ZSCAN25: variants seen among roughly 807,000 people sequenced by gnomAD.
The protein encoded by ZSCAN25 is zinc finger and SCAN domain containing 25, also known as zinc finger and SCAN domain-containing protein 25.
A neutral mutation model predicts 38.7 loss-of-function variants in ZSCAN25; 27 were observed. The ratio of observed to expected loss-of-function variants is 0.70; its 90% CI spans 0.51 to 0.96. The LOEUF (loss-of-function observed/expected upper bound fraction) is 0.96, where lower values mean the gene tolerates loss of function less well. Ranked by LOEUF, ZSCAN25 falls within the 40% of genes least tolerant of loss-of-function variation. The pLI is 0.00. For missense variants in ZSCAN25, 637 were observed against 705.9 expected (o/e 0.90, Z 1.11); for synonymous variants, 273 against 277.7 (o/e 0.98, Z 0.17).
the ZSCAN25 span, chr7:99,709,393 A>T: frequency 1.1e-5 from 15 of 1,375,478 alleles, no homozygotes; most frequent in Non-Finnish European, 1.3e-5. Flanking sequence ...TAGCATTCAT[A>T]AAGTATTTTA....
chr7:99,658,995 C>G, the ZSCAN25 span: 1 of 152,110 alleles, frequency 6.6e-6, no homozygotes, highest in East Asian at 1.9e-4. Flanking sequence ...AATCTTTTTT[C>G]AAGGTTTTTA....
At chr7:99,676,026 C>T in the ZSCAN25 span, 1 of 1,104,384 alleles carries the variant, frequency 9.1e-7, no homozygotes, top group East Asian at 2.4e-5. Flanking sequence ...AACCTCAGAA[C>T]TCCCTCCCAA....
the ZSCAN25 span, among the ~76,000 whole-genome samples, chr7:99,731,787 G>C: frequency 6.6e-6 from 1 of 152,034 alleles, no homozygotes; most frequent in Non-Finnish European, 1.5e-5. Context: ...TGACAACTGT[G>C]CTCCAGGCTT....
At chr7:99,729,041 T>C in the ZSCAN25 span, among the ~76,000 whole-genome samples, 3 of 152,066 alleles carry the variant, frequency 2.0e-5, no homozygotes, top group African/African-American at 7.2e-5. Context: ...TATATGACAA[T>C]ATAAAAAAGC....
At chr7:99,690,176 C>A in the ZSCAN25 span, among the ~76,000 whole-genome samples, 3 of 152,048 alleles carry the variant, frequency 2.0e-5, no homozygotes, top group Non-Finnish European at 4.4e-5. Context: ...CTTTGACAAA[C>A]CTGACAAAAG....
At chr7:99,717,083 C>T in the ZSCAN25 span, 1 of 1,542,066 alleles carries the variant, frequency 6.5e-7, no homozygotes, top group East Asian at 2.3e-5. Flanking sequence ...TGTCTGGTCA[C>T]TGGAATAACC....
chr7:99,717,457 T>G, the ZSCAN25 span: 1 of 1,600,244 alleles, frequency 6.2e-7, no homozygotes, highest in Non-Finnish European at 8.5e-7. Context: ...AACTCTGATC[T>G]TACTTTCTAC....
At chr7:99,640,539 A>G in the ZSCAN25 span, among the ~76,000 whole-genome samples, 3 of 152,180 alleles carry the variant, frequency 2.0e-5, no homozygotes, top group East Asian at 3.8e-4. Flanking sequence ...TTCTCCCATC[A>G]TAGGCAATGA....
At chr7:99,722,354 A>G in the ZSCAN25 span, 1 of 1,613,430 alleles carries the variant, frequency 6.2e-7, no homozygotes, top group Non-Finnish European at 8.5e-7. Context: ...TAGCCCTGGG[A>G]GGAGAAACAA....
the ZSCAN25 span, chr7:99,708,011 A>T: frequency 3.7e-6 from 6 of 1,613,324 alleles, no homozygotes; most frequent in Non-Finnish European, 5.1e-6. Context: ...AAAGTTAAAG[A>T]CATAATACCT....
At chr7:99,722,186 C>G in the ZSCAN25 span, 3 of 1,367,688 alleles carry the variant, frequency 2.2e-6, no homozygotes, top group Non-Finnish European at 3.1e-6. Context: ...TGTAGTTAGG[C>G]TGGCAAGAGC....
Position 99,631,702 on chromosome 7 carries a change from T to C in ZSCAN25, c.*1682T>C. On this transcript the variant is annotated 3_prime_UTR_variant, in exon 8 of 8. Coordinates refer to ENST00000394152, the MANE Select transcript of ZSCAN25 (RefSeq NM_145115.3). ...GTATTACTCAGCCCACTTTGAAACG[T>C]GGTTTTATCACCTGTTCTTGTTAGG... The C allele has an allele frequency of 1.0e-6, 1 of 985,370 alleles. No homozygotes were observed. Among genetic ancestry groups the C allele is most frequent in the Non-Finnish European group, 1.2e-6 (1 of 829,928 alleles). The allele number at this position is 985,370 out of a possible 1,614,324, so 61.0% of individuals were successfully genotyped here.
Position 99,621,426 on chromosome 7 carries a change from T to C in ZSCAN25, c.441T>C (p.Ala147=), listed in dbSNP as rs759974168. 1.2e-5 allele frequency: 18 copies of C among 1,533,118 alleles called. No individual in the cohort carries two copies. The highest frequency in any genetic ancestry group is 1.6e-5 in the Non-Finnish European group (18 of 1,133,528). 95.0% of individuals were successfully genotyped at this position (1,533,118 alleles called of 1,614,324 possible). The stretch of plus-strand genomic sequence containing the variant: ...AGGAAACAGCACTTTGCAGAGGCGC[T>C]TGGGAGCCAGGCATCCAGCTGGGGC... ...EQEETALCRG[A]WEPGIQLGPV... Residue 147 remains alanine (A), a synonymous_variant, in exon 5 of 8, where the codon GCT becomes GCC. Transcript: ENST00000394152.
At chr7:99,679,901 A>G in the ZSCAN25 span, 5 of 1,613,668 alleles carry the variant, frequency 3.1e-6, no homozygotes, top group African/African-American at 1.3e-5. Flanking sequence ...GTCCATCGCC[A>G]CTTTCCTTCT....
chr7:99,643,271 G>A, the ZSCAN25 span, among the ~76,000 whole-genome samples: 11 of 151,900 alleles, frequency 7.2e-5, no homozygotes, highest in Non-Finnish European at 1.5e-4. Context: ...GGCCAAGACC[G>A]GTGCCCATCT....
At chr7:99,627,572 C>G (rs1284618940) in intron 7 of ZSCAN25, among the ~76,000 whole-genome samples, 1 of 151,840 alleles carries the variant, frequency 6.6e-6, no homozygotes, top group African/African-American at 2.4e-5. Context: ...GTAGAAGAAG[C>G]CAGAAACAAT....
chr7:99,649,851 A>G, the ZSCAN25 span, among the ~76,000 whole-genome samples: 1 of 152,162 alleles, frequency 6.6e-6, no homozygotes, highest in Non-Finnish European at 1.5e-5. Flanking sequence ...GAGACTACAC[A>G]TAATCATGTC....
At chr7:99,652,849 C>T in the ZSCAN25 span, 1 of 1,163,732 alleles carries the variant, frequency 8.6e-7, no homozygotes, top group Non-Finnish European at 1.2e-6. Flanking sequence ...CCATGCAGTA[C>T]TATTGAAGTA....
At chr7:99,684,169 AT>A in the ZSCAN25 span, among the ~76,000 whole-genome samples, 30,376 of 136,874 alleles carry the variant, frequency 0.22, 4,828 homozygotes, top group African/African-American at 0.5. Context: ...AAAAGGCATA[AT>A]TTTTTTTTTT....
Sources: allele counts gnomAD v4.1 joint callset (sites outside exome capture counted in the v4.1 genomes callset), GRCh38; gene constraint gnomAD v4.1.1; transcripts MANE v1.5; gene names NCBI Gene and HGNC (gene_info 2026-07-23, HGNC 2026-07-21).